Variants in L3MBTL4 observed in about 807,000 individuals in gnomAD.
The protein encoded by L3MBTL4 is L3MBTL histone methyl-lysine binding protein 4.
L3MBTL4 carries 70 observed loss-of-function variants against 84.5 expected under a neutral mutation model. The ratio of observed to expected loss-of-function variants is 0.83; its 90% CI spans 0.68 to 1.01. The LOEUF is 1.01. Among genes scored for constraint, L3MBTL4 ranks in the 50% least tolerant of loss-of-function variants. L3MBTL4 has a pLI of 0.00. For synonymous variants in L3MBTL4, 274 were observed against 259.8 expected (o/e 1.05, Z -0.52); for missense variants, 715 against 754.8 (o/e 0.95, Z 0.62).
Position 5,955,996 on chromosome 18 carries a change from C to T in L3MBTL4, c.*224G>A. 2 of 468,506 alleles carry T rather than the reference C, an allele frequency of 4.3e-6. No homozygotes were observed. Among genetic ancestry groups the T allele is most frequent in the Non-Finnish European group, 7.5e-6 (2 of 265,686 alleles). 29.0% of individuals were successfully genotyped at this position (468,506 alleles called of 1,614,324 possible). ...GCTGAGCGGATCCCACCAAAGATAA[C>T]AATGTTCGTAAACCAAACCCACAGA... On this transcript the variant is annotated 3_prime_UTR_variant, in exon 19 of 19. Coordinates refer to ENST00000317931, the MANE Select transcript of L3MBTL4 (RefSeq NM_001330559.2).
intron 1 of L3MBTL4, among the ~76,000 whole-genome samples, chr18:6,409,255 G>A (rs1227069303): frequency 6.6e-6 from 1 of 152,092 alleles, no homozygotes; most frequent in African/African-American, 2.4e-5. Context: ...CTGGAATTGT[G>A]GCTATAATCT....
At chr18:6,069,989 T>C (rs560530900) in intron 16 of L3MBTL4, among the ~76,000 whole-genome samples, 77 of 152,076 alleles carry the variant, frequency 5.1e-4, no homozygotes, top group Non-Finnish European at 9.6e-4. Flanking sequence ...ATCTTGAAAA[T>C]AGGCCACTAG....
chr18:6,116,865 G>A (rs2059375661), intron 14 of L3MBTL4, among the ~76,000 whole-genome samples: 2 of 152,166 alleles, frequency 1.3e-5, no homozygotes, highest in Non-Finnish European at 1.5e-5. Flanking sequence ...AAAGCCCCAT[G>A]TGCCTTCCAA....
intron 17 of L3MBTL4, among the ~76,000 whole-genome samples, chr18:5,967,954 G>A (rs376668031): frequency 1.1e-4 from 17 of 152,230 alleles, no homozygotes; most frequent in African/African-American, 4.1e-4. Context: ...TCTCCACCAC[G>A]TTCCTCACGA....
intron 12 of L3MBTL4, 31 bp from the exon 13 acceptor site, chr18:6,171,973 T>G: frequency 9.4e-7 from 1 of 1,060,032 alleles, no homozygotes; most frequent in Non-Finnish European, 1.4e-6. Flanking sequence ...TGATTAGCAT[T>G]TAGTAATTAG....
intron 17 of L3MBTL4, among the ~76,000 whole-genome samples, chr18:5,968,335 A>G (rs1279452509): frequency 6.6e-6 from 1 of 152,202 alleles, no homozygotes; most frequent in East Asian, 1.9e-4. Context: ...CTTAAATAAT[A>G]CATTTTAAAT....
chr18:5,964,051 G>A (rs592737), intron 17 of L3MBTL4, among the ~76,000 whole-genome samples: 4 of 152,094 alleles, frequency 2.6e-5, no homozygotes, highest in Admixed American at 6.5e-5. Context: ...GTGGCATGGG[G>A]GCTGCCATGT....
chr18:6,160,532 G>A (rs1472029701), intron 13 of L3MBTL4, among the ~76,000 whole-genome samples: 7 of 152,118 alleles, frequency 4.6e-5, no homozygotes, highest in Admixed American at 1.3e-4. Context: ...AGGAGTTCAA[G>A]ACCAGCCTGG....
At chr18:6,078,420 C>A (rs1178545182) in intron 16 of L3MBTL4, among the ~76,000 whole-genome samples, 2 of 99,836 alleles carry the variant, frequency 2.0e-5, no homozygotes, top group African/African-American at 4.8e-5. Flanking sequence ...GAGGGAGAGT[C>A]CACCTCAAAA....
intron 14 of L3MBTL4, among the ~76,000 whole-genome samples, chr18:6,094,444 T>A (rs12326511): frequency 0.23 from 35,506 of 151,980 alleles, 6,245 homozygotes; most frequent in African/African-American, 0.5. Flanking sequence ...ACCCTAAGAA[T>A]TCACAAACAC....
chr18:6,191,275 C>T (rs1219038346), intron 12 of L3MBTL4, among the ~76,000 whole-genome samples: 1 of 152,114 alleles, frequency 6.6e-6, no homozygotes, highest in African/African-American at 2.4e-5. Flanking sequence ...GTATTCTGGA[C>T]TATAGCAGTA....
chr18:6,199,746 A>G (rs2045570219), intron 12 of L3MBTL4, among the ~76,000 whole-genome samples: 2 of 152,222 alleles, frequency 1.3e-5, no homozygotes, highest in African/African-American at 4.8e-5. Flanking sequence ...TTGTTCTTGA[A>G]TAAATGTAGT....
chr18:6,240,281 A>G (rs1253433666), intron 8 of L3MBTL4, among the ~76,000 whole-genome samples: 1 of 152,088 alleles, frequency 6.6e-6, no homozygotes, highest in Non-Finnish European at 1.5e-5. Flanking sequence ...TGGTGAAGAT[A>G]TGCTCTAATT....
intron 16 of L3MBTL4, among the ~76,000 whole-genome samples, chr18:6,018,402 C>A (rs2055098688): frequency 6.6e-6 from 1 of 152,140 alleles, no homozygotes; most frequent in Non-Finnish European, 1.5e-5. Flanking sequence ...CAGGGCTGAG[C>A]CCCCACTGCA....
chr18:6,264,597 A>C (rs1329518886), intron 4 of L3MBTL4, among the ~76,000 whole-genome samples: 2 of 152,174 alleles, frequency 1.3e-5, no homozygotes, highest in Non-Finnish European at 2.9e-5. Context: ...CCGCCTGGCC[A>C]ATATGGTGAA....
intron 2 of L3MBTL4, 69 bp downstream of exon 2, chr18:6,311,929 G>T: frequency 3.6e-6 from 1 of 279,024 alleles, no homozygotes; most frequent in Non-Finnish European, 7.0e-6. Context: ...TAAAATGTTT[G>T]CTTTTTTGCT....
At chr18:6,378,039 TGTG>T (rs1045043142) in intron 1 of L3MBTL4, among the ~76,000 whole-genome samples, 18 of 152,348 alleles carry the variant, frequency 1.2e-4, no homozygotes, top group African/African-American at 4.3e-4. Context: ...GGTATCTCAT[TGTG>T]GTTTTGATTT....
At chr18:6,264,961 C>T (rs1419237461) in intron 4 of L3MBTL4, among the ~76,000 whole-genome samples, 2 of 152,186 alleles carry the variant, frequency 1.3e-5, no homozygotes, top group Non-Finnish European at 2.9e-5. Context: ...GGTAATTAAA[C>T]GCGTTACATG....
intron 3 of L3MBTL4, among the ~76,000 whole-genome samples, chr18:6,306,836 G>A (rs1471286652): frequency 1.3e-5 from 2 of 152,186 alleles, no homozygotes; most frequent in Non-Finnish European, 2.9e-5. Flanking sequence ...GCTGAGCCCA[G>A]CCCAGTGAAG....
Sources: gnomAD v4.1 joint callset for allele counts (sites outside exome capture counted in the v4.1 genomes callset) on GRCh38, gnomAD v4.1.1 for gene constraint, MANE v1.5 for transcripts, NCBI Gene and HGNC (gene_info 2026-07-23, HGNC 2026-07-21) for gene names.